Variants in SCOC observed in about 807,000 individuals in gnomAD.
The protein encoded by SCOC is short coiled coil protein.
In SCOC, 7 loss-of-function variants were observed where a neutral mutation model predicts 9.9. The ratio of observed to expected loss-of-function variants is 0.71; its 90% CI spans 0.40 to 1.33. The LOEUF is 1.33. Among genes scored for constraint, SCOC ranks in the 40% most tolerant of loss-of-function variants. The pLI, the probability that SCOC is intolerant of heterozygous loss-of-function variation, is 0.01. For missense variants in SCOC, 66 were observed against 89.7 expected (o/e 0.74, Z 1.07); for synonymous variants, 19 against 28.2 (o/e 0.67, Z 1.03).
At chr4:140,310,242 G>C (rs781066835) in intron 1 of SCOC, among the ~76,000 whole-genome samples, 8 of 152,152 alleles carry the variant, frequency 5.3e-5, no homozygotes, top group Non-Finnish European at 8.8e-5. Flanking sequence ...AATTCCTACA[G>C]GGCTGGAAGT....
chr4:140,353,786 T>G (rs1727086461), intron 2 of SCOC, among the ~76,000 whole-genome samples: 1 of 152,232 alleles, frequency 6.6e-6, no homozygotes, highest in African/African-American at 2.4e-5. Context: ...GAGCCTCTCT[T>G]GCCGCCTTTC....
At position 140,383,823 on chromosome 4, in the gene SCOC, C is replaced by A. The variant is rs2126607620; in HGVS notation, c.*2719C>A. The stretch of plus-strand genomic sequence containing the variant: ...CTTCTGATTGCATATGCCGAGGAAC[C>A]ACAACCAAGCTTTTGACCAAATTCT... On this transcript the variant is annotated 3_prime_UTR_variant, in exon 4 of 4. Transcript: ENST00000608372. The A allele has an allele frequency of 6.6e-6, 1 of 152,318 alleles. No individual in the cohort carries two copies. The highest frequency in any genetic ancestry group is 1.5e-5 in the Non-Finnish European group (1 of 68,034). The allele number at this position is 152,318 out of a possible 1,614,324, so 9.4% of individuals were successfully genotyped here.
chr4:140,269,752 C>T (rs1730801992), intron 1 of SCOC, among the ~76,000 whole-genome samples: 1 of 152,106 alleles, frequency 6.6e-6, no homozygotes, highest in African/African-American at 2.4e-5. Flanking sequence ...CACAAAGGTA[C>T]CTTTTTTCTT....
intron 1 of SCOC, among the ~76,000 whole-genome samples, chr4:140,327,839 C>T (rs1849284): frequency 0.29 from 44,461 of 151,850 alleles, 9,101 homozygotes; most frequent in African/African-American, 0.59. Flanking sequence ...AAGTTTGGGG[C>T]TGGACTAGGA....
intron 1 of SCOC, among the ~76,000 whole-genome samples, chr4:140,278,361 G>A (rs541667600): frequency 1.5e-4 from 23 of 151,572 alleles, no homozygotes; most frequent in African/African-American, 5.1e-4. Context: ...GTGCAGTGGC[G>A]CAATCTTGGC....
Position 140,355,816 on chromosome 4 carries a change from C to A in SCOC, c.70+12108C>A, listed in dbSNP as rs9998334. Among the ~76,000 whole-genome samples the A allele has an allele frequency of 5.3e-5, 8 of 152,310 alleles. No homozygotes were observed. The South Asian group carries it at 1.5e-3, about 28-fold the overall frequency. The stretch of plus-strand genomic sequence containing the variant: ...TAATTTATATATATGGACTAGAATG[C>A]GAAGGGAACTCGGAAAAATGTATGT... On this transcript the variant is annotated intron_variant, in intron 2 of 4. Coordinates refer to the SCOC transcript ENST00000338517.
intron 1 of SCOC, among the ~76,000 whole-genome samples, chr4:140,286,219 C>T (rs746754836): frequency 1.3e-5 from 2 of 151,854 alleles, no homozygotes; most frequent in Non-Finnish European, 2.9e-5. Flanking sequence ...ACCTTGCTGG[C>T]TTGTTGTGAG....
intron 1 of SCOC, among the ~76,000 whole-genome samples, chr4:140,320,443 G>A (rs1732468895): frequency 6.6e-6 from 1 of 152,128 alleles, no homozygotes; most frequent in South Asian, 2.1e-4. Context: ...TCACTTTACT[G>A]TATGGACTTG....
chr4:140,262,498 T>C (rs1578751352), intron 1 of SCOC, among the ~76,000 whole-genome samples: 2 of 152,206 alleles, frequency 1.3e-5, no homozygotes, highest in East Asian at 3.9e-4. Flanking sequence ...CCTTTTGTGC[T>C]GTGCTTTCTC....
At chr4:140,335,560 G>A (rs1732934504) in intron 1 of SCOC, among the ~76,000 whole-genome samples, 1 of 152,078 alleles carries the variant, frequency 6.6e-6, no homozygotes, top group African/African-American at 2.4e-5. Context: ...CAAAGAAAGA[G>A]AACCTTTTAT....
chr4:140,348,586 A>ACG, intron 2 of SCOC, among the ~76,000 whole-genome samples: 1 of 151,544 alleles, frequency 6.6e-6, no homozygotes, highest in Non-Finnish European at 1.5e-5. Context: ...ACGCACACAC[A>ACG]CACACATCAC....
At chr4:140,372,539 AT>A (rs150324410), upstream of SCOC, among the ~76,000 whole-genome samples, 3 of 151,858 alleles carry the variant, frequency 2.0e-5, no homozygotes, top group Admixed American at 1.3e-4. Flanking sequence ...TTTATGTTGG[AT>A]TTTTTTTCAT....
chr4:140,302,125 C>T (rs187581753), intron 1 of SCOC, among the ~76,000 whole-genome samples: 60 of 151,418 alleles, frequency 4.0e-4, no homozygotes, highest in African/African-American at 1.1e-3. Flanking sequence ...TGAGCCACAG[C>T]GCCCAGCCAG....
chr4:140,299,052 G>A (rs1173934762), intron 1 of SCOC, among the ~76,000 whole-genome samples: 12 of 152,178 alleles, frequency 7.9e-5, no homozygotes, highest in South Asian at 2.1e-4. Flanking sequence ...TCCTAGCCTT[G>A]GGCAATCCTC....
intron 1 of SCOC, among the ~76,000 whole-genome samples, chr4:140,274,620 T>A (rs1303079191): frequency 6.6e-6 from 1 of 152,250 alleles, no homozygotes; most frequent in Admixed American, 6.5e-5. Context: ...AAGGGAGAAC[T>A]GTATTTAATA....
chr4:140,351,808 C>T (rs1726990959), intron 2 of SCOC, among the ~76,000 whole-genome samples: 5 of 152,098 alleles, frequency 3.3e-5, no homozygotes, highest in Admixed American at 3.3e-4. Context: ...TTCATCTCAT[C>T]CTCCATTATA....
upstream of SCOC, among the ~76,000 whole-genome samples, chr4:140,340,783 CTT>C (rs36136647): frequency 1.7e-4 from 7 of 40,448 alleles, no homozygotes; most frequent in South Asian, 8.3e-4. Context: ...TGCTGCCTAA[CTT>C]TTTTTTTTTT....
At chr4:140,281,968 C>T (rs1444346149) in intron 1 of SCOC, among the ~76,000 whole-genome samples, 2 of 152,132 alleles carry the variant, frequency 1.3e-5, no homozygotes, top group Non-Finnish European at 2.9e-5. Context: ...ATCCTATATA[C>T]ATATAAATAA....
Position 140,381,464 on chromosome 4 carries a change from C to G in SCOC, c.*360C>G, listed in dbSNP as rs1057260374. 6.2e-6 allele frequency: 1 copy of G among 160,834 alleles called. No individual in the cohort carries two copies. The highest frequency in any genetic ancestry group is 1.4e-5 in the Non-Finnish European group (1 of 73,624). 10.0% of individuals were successfully genotyped at this position (160,834 alleles called of 1,614,324 possible). On this transcript the variant is annotated 3_prime_UTR_variant, in exon 4 of 4. Transcript: ENST00000608372. The stretch of plus-strand genomic sequence containing the variant: ...GTGAAAAAGTGACCAAAATCATGTA[C>G]TAAATGCACAGCTTTATGTACCCTG...
Sources: allele counts gnomAD v4.1 joint callset (sites outside exome capture counted in the v4.1 genomes callset), GRCh38; gene constraint gnomAD v4.1.1; transcripts MANE v1.5; gene names NCBI Gene and HGNC (gene_info 2026-07-23, HGNC 2026-07-21).